The following CCDC83 variants were observed in gnomAD, a reference collection of about 807,000 sequenced individuals.
CCDC83 encodes coiled-coil domain-containing protein 83.
In CCDC83, 54 loss-of-function variants were observed where a neutral mutation model predicts 50.1. That is an observed-to-expected ratio of 1.08 (90% CI 0.87 to 1.35). CCDC83 has a LOEUF of 1.35. CCDC83 is among the 40% of genes most tolerant of loss of function. The pLI is 0.00. For synonymous variants in CCDC83, 161 were observed against 153.3 expected (o/e 1.05, Z -0.37); for missense variants, 518 against 473.9 (o/e 1.09, Z -0.86).
chr11:85,904,161 A>T (rs1397869264), intron 7 of CCDC83, among the ~76,000 whole-genome samples: 1 of 152,126 alleles, frequency 6.6e-6, no homozygotes, highest in Non-Finnish European at 1.5e-5. Flanking sequence ...CTGCTTTTTT[A>T]AAAAAATAAA....
chr11:85,888,522 T>C (rs1270349957), intron 5 of CCDC83, among the ~76,000 whole-genome samples: 1 of 152,218 alleles, frequency 6.6e-6, no homozygotes, highest in Non-Finnish European at 1.5e-5. Context: ...AAAAATTAGC[T>C]CTTTAACTGT....
At chr11:85,872,048 G>T (rs2153683344) in intron 2 of CCDC83, among the ~76,000 whole-genome samples, 1 of 152,262 alleles carries the variant, frequency 6.6e-6, no homozygotes, top group South Asian at 2.1e-4. Flanking sequence ...CGCCTCCTGG[G>T]TTCAAGCGAT....
chr11:85,915,760 C>A (rs2093474654), intron 9 of CCDC83, among the ~76,000 whole-genome samples: 1 of 152,174 alleles, frequency 6.6e-6, no homozygotes, highest in Admixed American at 6.5e-5. Context: ...CTGCTGTCTA[C>A]ACTGGCAAGG....
chr11:85,858,938 A>G (rs1341802164), intron 1 of CCDC83, among the ~76,000 whole-genome samples: 1 of 152,128 alleles, frequency 6.6e-6, no homozygotes, highest in Admixed American at 6.5e-5. Flanking sequence ...TAGGAGTTAG[A>G]ATAGACTGTT....
Position 85,886,358 on chromosome 11 carries a change from A to G in CCDC83, c.502A>G (p.Lys168Glu). ...CAACACAGTTAAAGAGAATGCAGAGAAAATGTCAGGTCAGTTGCAACAAAA... is the reference window on the plus strand; with the variant it reads ...CAACACAGTTAAAGAGAATGCAGAGGAAATGTCAGGTCAGTTGCAACAAAA... ...DINTVKENAE[K>E]MSEHYKITLE... Residue 168 changes from lysine to glutamate, a missense_variant, in exon 5 of 11, where the codon AAA (lysine) becomes GAA (glutamate). Lys to Glu is a moderately conservative substitution (Grantham distance 56, BLOSUM62 1). Coordinates refer to ENST00000342404, the MANE Select transcript of CCDC83 (RefSeq NM_001286159.2). The G allele has an allele frequency of 6.3e-7, 1 of 1,588,746 alleles. No individual in the cohort carries two copies. Among genetic ancestry groups the G allele is most frequent in the Non-Finnish European group, 8.5e-7 (1 of 1,170,846 alleles).
intron 5 of CCDC83, among the ~76,000 whole-genome samples, chr11:85,889,259 G>A (rs527867624): frequency 6.6e-6 from 1 of 152,324 alleles, no homozygotes; most frequent in East Asian, 1.9e-4. Flanking sequence ...GGCTTAGGTG[G>A]GAGGACGACC....
In CCDC83 at chr11:85,911,396, T is replaced by C. The variant is rs141952527; in HGVS notation, c.788T>C (p.Ile263Thr). The C allele has an allele frequency of 2.2e-4, 346 of 1,590,370 alleles. 2 individuals are homozygous for C. The African/African-American group carries it at 4.1e-3, about 19-fold the overall frequency. Residue 263 changes from isoleucine to threonine, a missense_variant, in exon 8 of 11, where the codon ATA becomes ACA. Coordinates refer to ENST00000342404, the MANE Select transcript of CCDC83 (RefSeq NM_001286159.2). ...AACTGTAGACTTGTGGATCTCAAGA[T>C]ACCCAGGTGAAAATTGTTAATATAT... is the stretch of plus-strand genomic sequence containing the variant. ...LSNCRLVDLK[I>T]PRRLYLTQAA...
At chr11:85,877,831 T>A (rs1289924045) in intron 3 of CCDC83, among the ~76,000 whole-genome samples, 1 of 152,140 alleles carries the variant, frequency 6.6e-6, no homozygotes, top group African/African-American at 2.4e-5. Context: ...ATAAAGGAAT[T>A]TTCCACTTCT....
rs1474775065 is a variant in CCDC83, at chr11:85,917,162, G to GAAAGAAAGAAAGAA, written c.1080+930_1080+931insAAGAAAGAAAGAAA. 6.6e-3 allele frequency among the ~76,000 whole-genome samples: 435 copies of GAAAGAAAGAAAGAA among 65,596 alleles called. 1 individual carries two copies. Among genetic ancestry groups the GAAAGAAAGAAAGAA allele is most frequent in the Non-Finnish European group, 7.2e-3 (216 of 29,968 alleles). 43.0% of individuals were successfully genotyped at this position (65,596 alleles called of 152,430 possible). A position where few individuals can be genotyped will look rare whatever the true frequency, so the allele number is the denominator to read the frequency against. ...AGAGAGAGAGAGAGAGAGAGAGAGA[G>GAAAGAAAGAAAGAA]AGAGAGAAAGAAAGAAAGAAAGAAA... On this transcript the variant is annotated intron_variant, in intron 10 of 10. Transcript: ENST00000342404.
Position 85,873,242 on chromosome 11 carries a change from T to C in CCDC83, c.127T>C (p.Phe43Leu), listed in dbSNP as rs374603255. Residue 43 changes from phenylalanine (F) to leucine (L), a missense_variant, in exon 3 of 11, where the codon TTC (phenylalanine) becomes CTC (leucine). Transcript: ENST00000342404. ...CQIKEDAVEQ[F>L]MFQIKTLRKK... Reference sequence around the variant, plus strand: ...AATAAAGGAAGATGCCGTGGAGCAATTCATGTTTCAAATAAAGACACTTAG... The same window carrying C: ...AATAAAGGAAGATGCCGTGGAGCAACTCATGTTTCAAATAAAGACACTTAG... 8.2e-5 allele frequency: 129 copies of C among 1,564,562 alleles called. No homozygotes were observed. The highest frequency in any genetic ancestry group is 1.1e-4 in the Non-Finnish European group (128 of 1,152,890).
At chr11:85,899,679 G>C (rs1166503596) in intron 7 of CCDC83, among the ~76,000 whole-genome samples, 1 of 152,132 alleles carries the variant, frequency 6.6e-6, no homozygotes, top group Non-Finnish European at 1.5e-5. Flanking sequence ...TTATGCATCT[G>C]TCTCATTAAT....
chr11:85,897,574 G>T lies in CCDC83; in HGVS notation c.604-1373G>T, dbSNP rs116992884. 1.4e-3 allele frequency among the ~76,000 whole-genome samples: 210 copies of T among 152,178 alleles called. 6 individuals are homozygous for T. In the East Asian group the frequency reaches 0.039, roughly 28 times the overall value. ...TACAGAAGGCTGATATATTGCCCTG[G>T]GATGTTGTGTGGGCTTCTGGATTTT... is the stretch of plus-strand genomic sequence containing the variant. On this transcript the variant is annotated intron_variant, in intron 6 of 10. Coordinates refer to ENST00000342404, the MANE Select transcript of CCDC83 (RefSeq NM_001286159.2).
intron 5 of CCDC83, among the ~76,000 whole-genome samples, chr11:85,889,915 A>T (rs2093344007): frequency 6.6e-6 from 1 of 152,226 alleles, no homozygotes; most frequent in African/African-American, 2.4e-5. Flanking sequence ...TTGCAATTTG[A>T]TGAAGAAGAA....
chr11:85,918,449 G>A (rs2093492774), intron 10 of CCDC83, among the ~76,000 whole-genome samples: 1 of 152,206 alleles, frequency 6.6e-6, no homozygotes. Context: ...TAAAAAGCAA[G>A]AGTTATGGCA....
chr11:85,902,966 T>G (rs961573360), intron 7 of CCDC83, among the ~76,000 whole-genome samples: 1 of 152,220 alleles, frequency 6.6e-6, no homozygotes, highest in Non-Finnish European at 1.5e-5. Context: ...GTATGGTGGC[T>G]TATGCCTGTA....
chr11:85,889,698 G>T (rs928716349), intron 5 of CCDC83, among the ~76,000 whole-genome samples: 10 of 152,260 alleles, frequency 6.6e-5, no homozygotes, highest in Middle Eastern at 3.4e-3. Flanking sequence ...TACACAGGCT[G>T]CCTTCTTTCA....
chr11:85,917,134 A>AAGAGAGAGAGAGAGAGAGAGAG (rs201907138), intron 10 of CCDC83, among the ~76,000 whole-genome samples: 8 of 77,880 alleles, frequency 1.0e-4, no homozygotes, highest in African/African-American at 5.0e-4. Flanking sequence ...AAGAAAAAGA[A>AAGAGAGAGAGAGAGAGAGAGAG]AGAGAGAGAG....
At chr11:85,870,431 T>G (rs2093230510) in intron 2 of CCDC83, among the ~76,000 whole-genome samples, 1 of 152,260 alleles carries the variant, frequency 6.6e-6, no homozygotes, top group African/African-American at 2.4e-5. Flanking sequence ...AATTTGCACA[T>G]TTGCATAGGT....
chr11:85,906,924 ATAACAAATCATTTTATGGAAATG>A (rs2093428594), intron 7 of CCDC83, among the ~76,000 whole-genome samples: 1 of 146,376 alleles, frequency 6.8e-6, no homozygotes, highest in African/African-American at 2.4e-5. Flanking sequence ...AATTAAATAA[ATAACAAATCATTTTATGGAAATG>A]TAATAGATTT....
Sources: allele counts gnomAD v4.1 joint callset (sites outside exome capture counted in the v4.1 genomes callset), GRCh38; gene constraint gnomAD v4.1.1; transcripts MANE v1.5; gene names NCBI Gene and HGNC (gene_info 2026-07-23, HGNC 2026-07-21).